CNTN5: variants seen among roughly 807,000 people sequenced by gnomAD.
CNTN5 encodes contactin 5, also known as contactin-5.
In CNTN5, 77 loss-of-function variants were observed where a neutral mutation model predicts 129.1. The observed-to-expected ratio is 0.60, with a 90% CI of 0.50 to 0.72. CNTN5 has a LOEUF of 0.72. CNTN5 is among the 30% of genes least tolerant of loss of function. The pLI, the probability that CNTN5 is intolerant of heterozygous loss-of-function variation, is 0.00. For synonymous variants in CNTN5, 509 were observed against 465.6 expected (o/e 1.09, Z -1.20); for missense variants, 1,478 against 1,328.8 (o/e 1.11, Z -1.75).
chr11:100,197,982 AT>A (rs1172613747), intron 15 of CNTN5, among the ~76,000 whole-genome samples: 1 of 151,846 alleles, frequency 6.6e-6, no homozygotes, highest in East Asian at 1.9e-4. Flanking sequence ...TTTTGAGCCC[AT>A]TTTTTTAATG....
At chr11:99,167,623 C>T (rs373738367) in intron 1 of CNTN5, among the ~76,000 whole-genome samples, 7 of 152,102 alleles carry the variant, frequency 4.6e-5, no homozygotes, top group Non-Finnish European at 5.9e-5. Context: ...TTACTCTCTT[C>T]ATAGTGATCC....
At chr11:99,188,091 T>C (rs1199596583) in intron 1 of CNTN5, among the ~76,000 whole-genome samples, 2 of 151,908 alleles carry the variant, frequency 1.3e-5, no homozygotes, top group Non-Finnish European at 2.9e-5. Context: ...ATTCTGAAGA[T>C]GACTTTATTT....
intron 1 of CNTN5, among the ~76,000 whole-genome samples, chr11:99,036,645 C>T (rs761255486): frequency 1.3e-5 from 2 of 152,014 alleles, no homozygotes; most frequent in Non-Finnish European, 2.9e-5. Context: ...GCTTTTACTG[C>T]CAAGTTTTCC....
chr11:99,128,912 C>A (rs1323632309), intron 1 of CNTN5, among the ~76,000 whole-genome samples: 2 of 152,150 alleles, frequency 1.3e-5, no homozygotes, highest in Non-Finnish European at 2.9e-5. Context: ...AAAGCAACAA[C>A]AGCAGCAGCA....
chr11:99,818,585 C>A (rs1306209201), intron 3 of CNTN5, among the ~76,000 whole-genome samples: 1 of 152,142 alleles, frequency 6.6e-6, no homozygotes, highest in Non-Finnish European at 1.5e-5. Flanking sequence ...GAAGTATTTC[C>A]AAGATCAGCA....
intron 9 of CNTN5, among the ~76,000 whole-genome samples, chr11:100,036,190 A>G (rs1368814592): frequency 6.6e-6 from 1 of 152,188 alleles, no homozygotes; most frequent in African/African-American, 2.4e-5. Flanking sequence ...ACATATGGCT[A>G]GCCAGTTTTT....
intron 2 of CNTN5, among the ~76,000 whole-genome samples, chr11:99,414,455 G>A (rs1229860150): frequency 1.3e-5 from 2 of 151,796 alleles, no homozygotes; most frequent in Middle Eastern, 3.4e-3. Flanking sequence ...ACATATGTGT[G>A]TATGTATGCA....
chr11:99,414,460 T>A (rs2036543), intron 2 of CNTN5, among the ~76,000 whole-genome samples: 107,639 of 151,208 alleles, frequency 0.71, 38,642 homozygotes, highest in East Asian at 0.86. Context: ...TGTGTGTATG[T>A]ATGCAGAATA....
intron 2 of CNTN5, among the ~76,000 whole-genome samples, chr11:99,439,211 T>G (rs113647488): frequency 4.1e-4 from 62 of 152,184 alleles, no homozygotes; most frequent in African/African-American, 1.3e-3. Context: ...AGTACGGCTA[T>G]AGCACAGACT....
intron 2 of CNTN5, among the ~76,000 whole-genome samples, chr11:99,375,302 CAAAAA>C (rs397848951): frequency 3.7e-5 from 2 of 53,570 alleles, no homozygotes; most frequent in African/African-American, 8.8e-5. Flanking sequence ...GAGTCTGTCT[CAAAAA>C]AAAAAAAAAA....
intron 1 of CNTN5, among the ~76,000 whole-genome samples, chr11:99,214,508 T>C (rs12146662): frequency 0.14 from 20,620 of 151,140 alleles, 1,548 homozygotes; most frequent in Middle Eastern, 0.26. Flanking sequence ...TGACAAATCC[T>C]TTAATATGTG....
chr11:99,278,203 C>T (rs1050140162), intron 1 of CNTN5, among the ~76,000 whole-genome samples: 2 of 151,136 alleles, frequency 1.3e-5, no homozygotes, highest in Non-Finnish European at 3.0e-5. Flanking sequence ...CTGGGGTGTA[C>T]TTGAATATAA....
chr11:99,419,053 A>G (rs1032689120), intron 2 of CNTN5, among the ~76,000 whole-genome samples: 40 of 152,312 alleles, frequency 2.6e-4, no homozygotes, highest in African/African-American at 9.4e-4. Flanking sequence ...AAGTTTCTAC[A>G]TAATACAGTG....
chr11:99,696,294 A>G (rs1293422021), intron 3 of CNTN5, among the ~76,000 whole-genome samples: 1 of 152,142 alleles, frequency 6.6e-6, no homozygotes. Flanking sequence ...CAGAGTTTAA[A>G]CTCAAATCAT....
intron 3 of CNTN5, among the ~76,000 whole-genome samples, chr11:99,637,706 CTA>C (rs1024138541): frequency 3.6e-4 from 54 of 151,956 alleles, no homozygotes; most frequent in African/African-American, 1.2e-3. Context: ...AAATATATAA[CTA>C]TTTATTTTAC....
intron 3 of CNTN5, among the ~76,000 whole-genome samples, chr11:99,779,935 C>T (rs1173308061): frequency 6.6e-6 from 1 of 151,964 alleles, no homozygotes; most frequent in African/African-American, 2.4e-5. Context: ...CCTACTACAT[C>T]TTAGAGTGGA....
chr11:99,602,730 C>A (rs1950353213), intron 3 of CNTN5, among the ~76,000 whole-genome samples: 1 of 151,346 alleles, frequency 6.6e-6, no homozygotes, highest in African/African-American at 2.4e-5. Flanking sequence ...AGTGGTTCTC[C>A]CAGCACGCAG....
chr11:100,015,548 A>C (rs770594), intron 9 of CNTN5, among the ~76,000 whole-genome samples: 49,311 of 151,948 alleles, frequency 0.32, 8,211 homozygotes, highest in East Asian at 0.48. Context: ...AGGTACTGCA[A>C]ATTCATGGAT....
intron 2 of CNTN5, among the ~76,000 whole-genome samples, chr11:99,546,747 G>T (rs1296009317): frequency 6.6e-6 from 1 of 152,066 alleles, no homozygotes; most frequent in African/African-American, 2.4e-5. Context: ...GGCCTTCTAT[G>T]ATCCTCAGGC....
Sources: gnomAD v4.1 joint callset for allele counts (sites outside exome capture counted in the v4.1 genomes callset) on GRCh38, gnomAD v4.1.1 for gene constraint, MANE v1.5 for transcripts, NCBI Gene and HGNC (gene_info 2026-07-23, HGNC 2026-07-21) for gene names.